The following NPAS3 variants were observed in gnomAD, a reference collection of about 807,000 sequenced individuals.
NPAS3 encodes neuronal PAS domain-containing protein 3.
A neutral mutation model predicts 73.1 loss-of-function variants in NPAS3; 14 were observed. That is an observed-to-expected ratio of 0.19 (90% confidence interval 0.13 to 0.30). The LOEUF is 0.30. NPAS3 is among the 10% of genes least tolerant of loss of function. NPAS3 has a pLI of 1.00. For missense variants in NPAS3, 1,096 were observed against 1,250.0 expected, an observed-to-expected ratio of 0.88 and a Z score of 1.86; for synonymous variants, 620 against 541.5, an observed-to-expected ratio of 1.14 and a Z score of -2.01.
At chr14:33,492,788 G>C (rs1467211349) in intron 4 of NPAS3, among the ~76,000 whole-genome samples, 1 of 152,122 alleles carries the variant, frequency 6.6e-6, no homozygotes, top group African/African-American at 2.4e-5. Context: ...TGGTTAATTT[G>C]ATAATTCTAT....
intron 7 of NPAS3, among the ~76,000 whole-genome samples, chr14:33,740,047 C>T (rs956410264): frequency 2.0e-5 from 3 of 152,158 alleles, no homozygotes; most frequent in Non-Finnish European, 4.4e-5. Flanking sequence ...TACTTACATT[C>T]TCTGTGCCTC....
At chr14:33,298,189 A>T (rs1195078350) in intron 3 of NPAS3, among the ~76,000 whole-genome samples, 1 of 152,158 alleles carries the variant, frequency 6.6e-6, no homozygotes, top group African/African-American at 2.4e-5. Context: ...AGGCTGAGAC[A>T]GGAGAATGGC....
At chr14:33,475,444 T>C (rs1453747907) in intron 4 of NPAS3, among the ~76,000 whole-genome samples, 1 of 151,898 alleles carries the variant, frequency 6.6e-6, no homozygotes. Context: ...TTAGAGAACA[T>C]CTGTTGAGTG....
At chr14:33,456,318 A>T (rs1313818726) in intron 4 of NPAS3, among the ~76,000 whole-genome samples, 3 of 152,342 alleles carry the variant, frequency 2.0e-5, no homozygotes. Context: ...GTAAATGCCC[A>T]GGATTTTCAT....
rs2053073800 is a variant in NPAS3 at position 33,511,939 on chromosome 14, AT to A, written c.469-48180del. 3.3e-5 allele frequency among the ~76,000 whole-genome samples: 5 copies of A among 152,170 alleles called. No homozygotes were observed. In the South Asian group the frequency reaches 1.0e-3, roughly 32 times the overall value. On this transcript the variant is annotated intron_variant, in intron 4 of 11. Coordinates refer to ENST00000356141, the Ensembl canonical transcript of NPAS3. ...CTGAATCTTACTTGGAGAAATTCTGATTCCTTTAGGTCTAGGATGTGGCTAG... is the reference window on the plus strand; with the variant it reads ...CTGAATCTTACTTGGAGAAATTCTGATCCTTTAGGTCTAGGATGTGGCTAG...
chr14:33,459,878 C>A (rs1308123622), intron 4 of NPAS3, among the ~76,000 whole-genome samples: 3 of 151,124 alleles, frequency 2.0e-5, no homozygotes, highest in African/African-American at 7.3e-5. Context: ...GTTCTCTTCT[C>A]TTTCTGTCAT....
intron 3 of NPAS3, among the ~76,000 whole-genome samples, chr14:33,311,869 G>A (rs1275832513): frequency 2.6e-5 from 4 of 152,090 alleles, no homozygotes; most frequent in Non-Finnish European, 5.9e-5. Flanking sequence ...AGGATGAACG[G>A]GAGTTCATCA....
At chr14:33,654,337 A>G (rs2059083858) in intron 5 of NPAS3, among the ~76,000 whole-genome samples, 1 of 152,218 alleles carries the variant, frequency 6.6e-6, no homozygotes, top group African/African-American at 2.4e-5. Context: ...ATAGGAAGCC[A>G]TTGCAGACAC....
At chr14:33,132,546 G>A (rs73268696) in intron 2 of NPAS3, among the ~76,000 whole-genome samples, 1 of 152,066 alleles carries the variant, frequency 6.6e-6, no homozygotes, top group Admixed American at 6.6e-5. Flanking sequence ...ATCATCAAGA[G>A]GCACCAAGTG....
intron 1 of NPAS3, among the ~76,000 whole-genome samples, chr14:32,948,918 A>G (rs1233174741): frequency 2.0e-5 from 3 of 152,102 alleles, no homozygotes; most frequent in Non-Finnish European, 4.4e-5. Context: ...TGTAGGGCTC[A>G]GGTATGCAAC....
chr14:33,296,672 T>C (rs995270656), intron 3 of NPAS3, among the ~76,000 whole-genome samples: 2 of 152,226 alleles, frequency 1.3e-5, no homozygotes, highest in Admixed American at 6.5e-5. Context: ...TTTGGTGTCC[T>C]ATGATAGCCA....
chr14:33,606,507 A>T (rs188286883), intron 5 of NPAS3, among the ~76,000 whole-genome samples: 40 of 152,080 alleles, frequency 2.6e-4, no homozygotes, highest in Non-Finnish European at 3.7e-4. Context: ...TAGTCTTTTC[A>T]ACAAGTTGTG....
chr14:33,636,902 T>C (rs534842376), intron 5 of NPAS3, among the ~76,000 whole-genome samples: 1 of 121,938 alleles, frequency 8.2e-6, no homozygotes, highest in South Asian at 2.4e-4. Flanking sequence ...ACTCGGAGTG[T>C]GCACACACAC....
rs1160316544 is a variant in NPAS3 at position 32,946,344 on chromosome 14, A to ACG, written c.50+6982_50+6983dup. Among the ~76,000 whole-genome samples, 686 of 107,900 alleles carry ACG rather than the reference A, an allele frequency of 6.4e-3. 17 individuals carry two copies. In the East Asian group the frequency reaches 0.1, roughly 16 times the overall value. 70.8% of individuals were successfully genotyped at this position (107,900 alleles called of 152,430 possible). On this transcript the variant is annotated intron_variant, in intron 1 of 11. Transcript: ENST00000356141. Reference sequence around the variant, plus strand: ...TCCCCCATCCCCCCAACACACACACACGCGCACACACACACACACACACAC... The same window carrying ACG: ...TCCCCCATCCCCCCAACACACACACACGCGCGCACACACACACACACACACAC...
intron 5 of NPAS3, among the ~76,000 whole-genome samples, chr14:33,601,059 CAT>C (rs1229215307): frequency 1.3e-5 from 2 of 152,182 alleles, no homozygotes; most frequent in Non-Finnish European, 2.9e-5. Flanking sequence ...CTCCTGACCC[CAT>C]TGGCTAGCAC....
chr14:33,471,081 C>T (rs1594969965), intron 4 of NPAS3, among the ~76,000 whole-genome samples: 1 of 152,156 alleles, frequency 6.6e-6, no homozygotes, highest in Admixed American at 6.5e-5. Flanking sequence ...CACGAGAGCT[C>T]TGCGCATATT....
At chr14:32,994,630 G>GTTTTTTTTTTTTTT (rs777136450) in intron 1 of NPAS3, among the ~76,000 whole-genome samples, 7 of 123,618 alleles carry the variant, frequency 5.7e-5, no homozygotes, top group East Asian at 2.5e-4. Flanking sequence ...TTGTTTGTTT[G>GTTTTTTTTTTTTTT]TTTTTGTTTT....
intron 5 of NPAS3, among the ~76,000 whole-genome samples, chr14:33,633,738 G>A (rs931138941): frequency 6.6e-6 from 1 of 152,190 alleles, no homozygotes; most frequent in African/African-American, 2.4e-5. Context: ...CCAGCACCTT[G>A]GGAGGCCAAG....
intron 4 of NPAS3, among the ~76,000 whole-genome samples, chr14:33,552,599 T>C (rs549117118): frequency 6.6e-6 from 1 of 151,578 alleles, no homozygotes; most frequent in Non-Finnish European, 1.5e-5. Flanking sequence ...TGAAGACCAC[T>C]TCCTACTTTC....
Sources: gnomAD v4.1 joint callset for allele counts (sites outside exome capture counted in the v4.1 genomes callset) on GRCh38, gnomAD v4.1.1 for gene constraint, MANE v1.5 for transcripts, NCBI Gene and HGNC (gene_info 2026-07-23, HGNC 2026-07-21) for gene names.